Variants in TDRD9 observed in about 807,000 individuals in gnomAD.
The protein encoded by TDRD9 is tudor domain containing 9.
Under a neutral mutation model 172.6 loss-of-function variants are expected in TDRD9, and 124 were observed. The observed-to-expected ratio is 0.72, with a 90% CI of 0.62 to 0.83. The LOEUF (loss-of-function observed/expected upper bound fraction) is 0.83. TDRD9 is among the 40% of genes least tolerant of loss of function. The pLI is 0.00. For synonymous variants in TDRD9, 619 were observed against 617.1 expected (o/e 1.00, Z -0.05); for missense variants, 1,479 against 1,714.1 (o/e 0.86, Z 2.42).
In TDRD9 at chr14:104,035,021, C is replaced by A; in HGVS notation, c.3681C>A (p.Leu1227=). ...LMPHIPGLPA[L]LSMLFAPVIE... is the part of the protein sequence containing the mutation. ...CTCATATCCCTGGCCTCCCGGCTCT[C>A]CTCAGCATGTTATTCGCACCGGTGA... is the stretch of plus-strand genomic sequence containing the variant. The change falls in exon 32 of 36, where the codon CTC becomes CTA. Residue 1227 remains leucine, a synonymous_variant. Transcript: ENST00000409874. 6.4e-7 allele frequency: 1 copy of A among 1,551,796 alleles called. No individual in the cohort carries two copies. The highest frequency in any genetic ancestry group is 1.2e-5 in the South Asian group (1 of 84,054).
intron 23 of TDRD9, among the ~76,000 whole-genome samples, chr14:104,019,448 C>T (rs895195132): frequency 2.0e-5 from 3 of 152,102 alleles, no homozygotes; most frequent in African/African-American, 7.2e-5. Flanking sequence ...CTGCAACCTC[C>T]GCCTCCCATT....
intron 1 of TDRD9, among the ~76,000 whole-genome samples, chr14:103,930,011 C>G (rs556487185): frequency 6.6e-6 from 1 of 152,148 alleles, no homozygotes; most frequent in Admixed American, 6.6e-5. Context: ...AGAGTATATC[C>G]TCTGTTTTTA....
chr14:104,015,400 G>A (rs1035827719), intron 21 of TDRD9, among the ~76,000 whole-genome samples: 10 of 152,148 alleles, frequency 6.6e-5, no homozygotes, highest in Non-Finnish European at 1.3e-4. Context: ...CCTATAAACC[G>A]GGTGTGCTGG....
At position 103,941,541 on chromosome 14, in the gene TDRD9, T is replaced by G. The variant is rs1566726326; in HGVS notation, c.215+12817T>G. On this transcript the variant is annotated intron_variant, in intron 1 of 35. Coordinates refer to ENST00000409874, the MANE Select transcript of TDRD9 (RefSeq NM_153046.3). ...ATCCACACCTGTTTTTTTCACTTTT[T>G]GTTCATTTTCGATTTCTTGTATTAA... 3.3e-6 allele frequency: 5 copies of G among 1,535,334 alleles called. No homozygotes were observed. In the African/African-American group the frequency reaches 6.8e-5, roughly 21 times the overall value.
chr14:103,987,117 AAT>A (rs374594027), intron 8 of TDRD9, among the ~76,000 whole-genome samples: 17 of 134,842 alleles, frequency 1.3e-4, no homozygotes, highest in South Asian at 4.9e-4. Flanking sequence ...CATCTCAAAA[AAT>A]ATATACACAC....
At chr14:104,048,012 C>G (rs2035831959) in intron 34 of TDRD9, among the ~76,000 whole-genome samples, 1 of 152,140 alleles carries the variant, frequency 6.6e-6, no homozygotes, top group Non-Finnish European at 1.5e-5. Flanking sequence ...ACTGGCTGCT[C>G]TTCTGTGTGT....
intron 13 of TDRD9, among the ~76,000 whole-genome samples, chr14:104,003,349 CAA>C (rs2034325573): frequency 6.6e-6 from 1 of 152,108 alleles, no homozygotes; most frequent in African/African-American, 2.4e-5. Context: ...AAACAAAAGA[CAA>C]AGGGTAGATT....
At chr14:104,040,716 C>T (rs2035588690) in intron 33 of TDRD9, among the ~76,000 whole-genome samples, 1 of 152,158 alleles carries the variant, frequency 6.6e-6, no homozygotes, top group Non-Finnish European at 1.5e-5. Context: ...AGGTCCTGCC[C>T]CTCTGCCCTT....
chr14:104,044,697 ATATTTGGATTATTTCCAG>A (rs1412924140), intron 34 of TDRD9, among the ~76,000 whole-genome samples: 6 of 152,216 alleles, frequency 3.9e-5, no homozygotes, highest in African/African-American at 1.2e-4. Context: ...AGTTGATAAA[ATATTTGGATTATTTCCAG>A]TATTTGGCCA....
At position 103,965,561 on chromosome 14, in the gene TDRD9, C is replaced by A; in HGVS notation, c.642+7C>A. Reference sequence around the variant, plus strand: ...AGGTGTGGTGGGCTACCAGGTGAGACTGGGAGGGAGGGAGGGACTAAGAGA... The same window carrying A: ...AGGTGTGGTGGGCTACCAGGTGAGAATGGGAGGGAGGGAGGGACTAAGAGA... On this transcript the variant is annotated splice_region_variant and intron_variant, in intron 4 of 35. Coordinates refer to ENST00000409874, the MANE Select transcript of TDRD9 (RefSeq NM_153046.3). The A allele has an allele frequency of 7.6e-7, 1 of 1,309,864 alleles. No individual in the cohort carries two copies. Among genetic ancestry groups the A allele is most frequent in the Non-Finnish European group, 1.0e-6 (1 of 960,750 alleles). The allele number at this position is 1,309,864 out of a possible 1,614,324, so 81.1% of individuals were successfully genotyped here.
At chr14:103,947,161 A>G (rs2031604245) in intron 1 of TDRD9, among the ~76,000 whole-genome samples, 1 of 152,212 alleles carries the variant, frequency 6.6e-6, no homozygotes, top group South Asian at 2.1e-4. Context: ...AATCATCAAA[A>G]CAGTATGGTA....
intron 2 of TDRD9, among the ~76,000 whole-genome samples, chr14:103,960,951 C>G (rs929045296): frequency 6.6e-6 from 1 of 152,148 alleles, no homozygotes; most frequent in Admixed American, 6.5e-5. Context: ...CTAAAAGAAT[C>G]TTTGTCACCT....
At chr14:103,986,866 A>G (rs143384074) in intron 8 of TDRD9, among the ~76,000 whole-genome samples, 4,773 of 152,306 alleles carry the variant, frequency 0.031, 169 homozygotes, top group Admixed American at 0.13. Context: ...CTGTAATCCC[A>G]GCACTTTGGG....
chr14:103,940,561 G>C (rs1376627210), intron 1 of TDRD9: 3 of 372,040 alleles, frequency 8.1e-6, no homozygotes, highest in Admixed American at 4.2e-5. Context: ...TGGGTTTGAG[G>C]TATAAGAAAA....
chr14:104,005,313 C>A lies in TDRD9; in HGVS notation c.1621C>A (p.Leu541Ile). 1 of 1,613,958 alleles carries A rather than the reference C, an allele frequency of 6.2e-7. No individual in the cohort carries two copies. The highest frequency in any genetic ancestry group is 1.1e-5 in the South Asian group (1 of 91,086). ...AAGCACGATCTTGAAAGTGAAATTACTTGACATGGGTGAGCCGAGAGCTCT... is the reference window on the plus strand; with the variant it reads ...AAGCACGATCTTGAAAGTGAAATTAATTGACATGGGTGAGCCGAGAGCTCT... ...LGSTILKVKL[L>I]DMGEPRALLA... Residue 541 changes from leucine (L) to isoleucine (I), a missense_variant, in exon 15 of 36, where the codon CTT (leucine) becomes ATT (isoleucine). By Grantham distance (5) the Leu-to-Ile change is conservative. Coordinates refer to ENST00000409874, the MANE Select transcript of TDRD9 (RefSeq NM_153046.3).
At position 103,932,935 on chromosome 14, in the gene TDRD9, A is replaced by G. The variant is rs2030498121; in HGVS notation, c.215+4211A>G. 5.9e-5 allele frequency among the ~76,000 whole-genome samples: 9 copies of G among 152,104 alleles called. No individual in the cohort carries two copies. In the South Asian group the frequency reaches 1.9e-3, roughly 32 times the overall value. Reference sequence around the variant, plus strand: ...TAAATAGAAAATGCCAGACTACATCATAGGTAGTTCAGACAAGAATTGCCG... The same window carrying G: ...TAAATAGAAAATGCCAGACTACATCGTAGGTAGTTCAGACAAGAATTGCCG... On this transcript the variant is annotated intron_variant, in intron 1 of 35. Transcript: ENST00000409874.
rs1229485646 is a variant in TDRD9, at chr14:103,994,694, C to G, written c.1320+91C>G. The G allele has an allele frequency of 4.8e-6, 5 of 1,049,342 alleles. No individual in the cohort carries two copies. In the African/African-American group the frequency reaches 6.4e-5, roughly 13 times the overall value. 65.0% of individuals were successfully genotyped at this position (1,049,342 alleles called of 1,614,324 possible). A position where few individuals can be genotyped will look rare whatever the true frequency, so the allele number is the denominator to read the frequency against. On this transcript the variant is annotated intron_variant, in intron 11 of 35. Transcript: ENST00000409874. ...GAAAAATATTTTCTGGGTGTCGTGGCTCATGCGTGTGTTTCCAGCACTGTG... is the reference window on the plus strand; with the variant it reads ...GAAAAATATTTTCTGGGTGTCGTGGGTCATGCGTGTGTTTCCAGCACTGTG...
At chr14:104,020,415 G>A (rs1192478615) in intron 23 of TDRD9, among the ~76,000 whole-genome samples, 1 of 152,184 alleles carries the variant, frequency 6.6e-6, no homozygotes, top group Non-Finnish European at 1.5e-5. Context: ...AGAAGTGAGA[G>A]GAGCCCAAGA....
At chr14:103,940,823 A>G in intron 1 of TDRD9, 1 of 1,534,908 alleles carries the variant, frequency 6.5e-7, no homozygotes, top group Non-Finnish European at 8.7e-7. Flanking sequence ...GATGGGTGAT[A>G]ATATGGTAGG....
Sources: gnomAD v4.1 joint callset for allele counts (sites outside exome capture counted in the v4.1 genomes callset) on GRCh38, gnomAD v4.1.1 for gene constraint, MANE v1.5 for transcripts, NCBI Gene and HGNC (gene_info 2026-07-23, HGNC 2026-07-21) for gene names.